The following SHROOM3 variants were observed in gnomAD, a reference collection of about 807,000 sequenced individuals.
SHROOM3 encodes the protein shroom family member 3.
Under a neutral mutation model 138.6 loss-of-function variants are expected in SHROOM3, and 47 were observed. The observed-to-expected ratio is 0.34, with a 90% CI of 0.27 to 0.43. The LOEUF is 0.43. SHROOM3 is among the 20% of genes least tolerant of loss of function. The pLI is 1.00. For synonymous variants in SHROOM3, 1,062 were observed against 1,063.3 expected, an observed-to-expected ratio of 1.00 and a Z score of 0.02; for missense variants, 2,491 against 2,596.5, an observed-to-expected ratio of 0.96 and a Z score of 0.88.
chr4:76,654,490 C>G (rs1235105302), intron 2 of SHROOM3, among the ~76,000 whole-genome samples: 4 of 152,052 alleles, frequency 2.6e-5, no homozygotes. Flanking sequence ...ACATGCCCAG[C>G]TAATTTTTGT....
intron 1 of SHROOM3, among the ~76,000 whole-genome samples, chr4:76,477,099 C>G (rs1302530197): frequency 1.3e-5 from 2 of 152,184 alleles, no homozygotes; most frequent in African/African-American, 4.8e-5. Context: ...TCCCAAGTAG[C>G]TGGGACTACA....
chr4:76,667,355 T>A (rs1392715605), intron 2 of SHROOM3, among the ~76,000 whole-genome samples: 1 of 152,164 alleles, frequency 6.6e-6, no homozygotes, highest in African/African-American at 2.4e-5. Flanking sequence ...GTTCTCGCTC[T>A]GTCACCCATG....
intron 2 of SHROOM3, among the ~76,000 whole-genome samples, chr4:76,605,631 C>T (rs1376553979): frequency 6.6e-6 from 1 of 151,846 alleles, no homozygotes; most frequent in African/African-American, 2.4e-5. Flanking sequence ...AACTATGTAA[C>T]TCAGCTAAGT....
chr4:76,525,227 G>A (rs1732664643), intron 1 of SHROOM3, among the ~76,000 whole-genome samples: 1 of 152,304 alleles, frequency 6.6e-6, no homozygotes, highest in East Asian at 1.9e-4. Flanking sequence ...AGTCATGGTG[G>A]AAGGCAAAGG....
At chr4:76,441,387 C>T (rs1192830416) in intron 1 of SHROOM3, among the ~76,000 whole-genome samples, 1 of 152,106 alleles carries the variant, frequency 6.6e-6, no homozygotes, top group East Asian at 1.9e-4. Context: ...GCCACCGCGC[C>T]CAGCCCCTGA....
chr4:76,699,316 T>G (rs1392626841), intron 2 of SHROOM3, among the ~76,000 whole-genome samples: 1 of 152,202 alleles, frequency 6.6e-6, no homozygotes, highest in Non-Finnish European at 1.5e-5. Context: ...CCCTTGTTGA[T>G]GTAGGTACGC....
chr4:76,473,833 G>A (rs909883395), intron 1 of SHROOM3, among the ~76,000 whole-genome samples: 5 of 152,180 alleles, frequency 3.3e-5, no homozygotes, highest in African/African-American at 9.7e-5. Flanking sequence ...TGGCCAGGAT[G>A]TGAAGAAATT....
intron 2 of SHROOM3, among the ~76,000 whole-genome samples, chr4:76,651,414 AT>A (rs200770314): frequency 0.3 from 14,583 of 49,254 alleles, 1,686 homozygotes; most frequent in East Asian, 0.52. Flanking sequence ...ATATATATAT[AT>A]ATATATATAT....
intron 1 of SHROOM3, among the ~76,000 whole-genome samples, chr4:76,502,729 A>G (rs992854305): frequency 6.6e-6 from 1 of 152,180 alleles, no homozygotes; most frequent in Non-Finnish European, 1.5e-5. Flanking sequence ...TATCATAAGA[A>G]TGTTTTCCTG....
chr4:76,773,373 GAAA>G (rs574066208), intron 10 of SHROOM3, among the ~76,000 whole-genome samples: 1 of 80,688 alleles, frequency 1.2e-5, no homozygotes, highest in East Asian at 3.5e-4. Flanking sequence ...GACTGTCTCA[GAAA>G]AAAAAAAAAA....
intron 2 of SHROOM3, among the ~76,000 whole-genome samples, chr4:76,561,900 A>G (rs1733605112): frequency 6.6e-6 from 1 of 151,928 alleles, no homozygotes; most frequent in African/African-American, 2.4e-5. Flanking sequence ...AATCCCAGCT[A>G]CTCGGGAGGC....
chr4:76,778,683 C>A, intron 10 of SHROOM3, 126 bp from the exon 11 acceptor site: 1 of 1,311,450 alleles, frequency 7.6e-7, no homozygotes, highest in Non-Finnish European at 1.1e-6. Flanking sequence ...AGCCTCCTTA[C>A]TTAGGAGTGA....
At position 76,752,190 on chromosome 4, in the gene SHROOM3, A is replaced by G. The variant is rs1721647028; in HGVS notation, c.3828-2121A>G. The stretch of plus-strand genomic sequence containing the variant: ...AACATGACATTACGTGAAGTGAAAT[A>G]TAAGCCAGTCACAAAAAGACATACT... On this transcript the variant is annotated intron_variant, in intron 6 of 10. Coordinates refer to ENST00000296043, the MANE Select transcript of SHROOM3 (RefSeq NM_020859.4). Among the ~76,000 whole-genome samples, 14 of 152,374 alleles carry G rather than the reference A, an allele frequency of 9.2e-5. No individual in the cohort carries two copies. In the South Asian group the frequency reaches 2.9e-3, roughly 32 times the overall value.
chr4:76,739,868 T>C lies in SHROOM3; in HGVS notation c.1695T>C (p.Asn565=). ...TCCATTTCTGTTCAGTGCCTGAAAA[T>C]GAGGAGGATGCCTCCCTGAAGAGAC... The part of the protein sequence containing the change: ...SKVHFCSVPE[N]EEDASLKRHL... The change falls in exon 5 of 11, where the codon AAT becomes AAC. Residue 565 remains asparagine, a synonymous_variant. Transcript: ENST00000296043. 1 of 1,614,154 alleles carries C rather than the reference T, an allele frequency of 6.2e-7. No individual in the cohort carries two copies. The highest frequency in any genetic ancestry group is 8.5e-7 in the Non-Finnish European group (1 of 1,180,032).
At chr4:76,703,273 G>A (rs1463803995) in intron 2 of SHROOM3, among the ~76,000 whole-genome samples, 1 of 152,074 alleles carries the variant, frequency 6.6e-6, no homozygotes, top group East Asian at 1.9e-4. Context: ...CAGGCCTGAG[G>A]GCATGCAGAG....
intron 2 of SHROOM3, among the ~76,000 whole-genome samples, chr4:76,632,482 G>T (rs114857695): frequency 0.023 from 3,443 of 152,264 alleles, 129 homozygotes; most frequent in African/African-American, 0.076. Flanking sequence ...GAGCTGTGAT[G>T]AATGCTGCTG....
intron 2 of SHROOM3, among the ~76,000 whole-genome samples, chr4:76,609,672 A>T (rs1002175475): frequency 3.3e-5 from 5 of 152,200 alleles, no homozygotes; most frequent in African/African-American, 1.2e-4. Context: ...TTTCCTTTCA[A>T]ATGACCCCAG....
intron 2 of SHROOM3, among the ~76,000 whole-genome samples, chr4:76,683,090 C>G (rs1171110841): frequency 6.6e-6 from 1 of 152,122 alleles, no homozygotes; most frequent in East Asian, 1.9e-4. Context: ...CCTCTGATAA[C>G]AAGTATCATA....
At chr4:76,442,207 C>T (rs114735513) in intron 1 of SHROOM3, among the ~76,000 whole-genome samples, 1,969 of 152,272 alleles carry the variant, frequency 0.013, 16 homozygotes, top group Middle Eastern at 0.02. Flanking sequence ...TGTTAAATGA[C>T]TTACAGGATT....
Sources: allele counts gnomAD v4.1 joint callset (sites outside exome capture counted in the v4.1 genomes callset), GRCh38; gene constraint gnomAD v4.1.1; transcripts MANE v1.5; gene names NCBI Gene and HGNC (gene_info 2026-07-23, HGNC 2026-07-21).